Variants in PALLD observed in about 807,000 individuals in gnomAD.
PALLD encodes the protein palladin.
Under a neutral mutation model 123.5 loss-of-function variants are expected in PALLD, and 61 were observed. That is an observed-to-expected ratio of 0.49 (90% CI 0.40 to 0.61). The LOEUF (loss-of-function observed/expected upper bound fraction) is 0.61, where lower values mean the gene tolerates loss of function less well. Among genes scored for constraint, PALLD ranks in the 20% least tolerant of loss-of-function variants. The pLI, the probability that PALLD is intolerant of heterozygous loss-of-function variation, is 0.00. For synonymous variants in PALLD, 465 were observed against 496.4 expected, an observed-to-expected ratio of 0.94 and a Z score of 0.84; for missense variants, 1,273 against 1,377.0, an observed-to-expected ratio of 0.92 and a Z score of 1.20.
At chr4:168,591,078 C>A (rs932244104) in intron 2 of PALLD, among the ~76,000 whole-genome samples, 1 of 151,946 alleles carries the variant, frequency 6.6e-6, no homozygotes, top group African/African-American at 2.4e-5. Flanking sequence ...AGAGTTTCGC[C>A]ATGTTGGCCA....
chr4:168,806,440 G>A (rs563708912), intron 10 of PALLD, among the ~76,000 whole-genome samples: 12 of 152,240 alleles, frequency 7.9e-5, no homozygotes, highest in Admixed American at 4.6e-4. Context: ...AAGGTAAGAC[G>A]TGCTTGCTTC....
chr4:168,826,997 C>G (rs946456189), intron 10 of PALLD, among the ~76,000 whole-genome samples: 1 of 152,216 alleles, frequency 6.6e-6, no homozygotes, highest in Non-Finnish European at 1.5e-5. Flanking sequence ...ACCTCACTCT[C>G]ATAAGCTCAG....
At chr4:168,626,064 C>G (rs1775237966) in intron 2 of PALLD, among the ~76,000 whole-genome samples, 1 of 150,984 alleles carries the variant, frequency 6.6e-6, no homozygotes, top group South Asian at 2.1e-4. Context: ...GAGATCGAGA[C>G]CATCCTGGCT....
At chr4:168,865,026 G>A (rs540157479) in intron 10 of PALLD, among the ~76,000 whole-genome samples, 17 of 152,052 alleles carry the variant, frequency 1.1e-4, no homozygotes, top group Non-Finnish European at 8.8e-5. Flanking sequence ...ATTTATTTTC[G>A]TGGTTTTAGT....
intron 10 of PALLD, among the ~76,000 whole-genome samples, chr4:168,817,455 T>C (rs1195575554): frequency 6.6e-6 from 1 of 152,210 alleles, no homozygotes; most frequent in Non-Finnish European, 1.5e-5. Flanking sequence ...AAATGTCCAT[T>C]AGATACAGTG....
At chr4:168,918,508 A>G (rs1760735111) in intron 17 of PALLD, among the ~76,000 whole-genome samples, 1 of 152,182 alleles carries the variant, frequency 6.6e-6, no homozygotes, top group Non-Finnish European at 1.5e-5. Context: ...AGAGAATAGA[A>G]TGGTGATTAC....
At chr4:168,917,530 CCT>C (rs990694206) in intron 17 of PALLD, among the ~76,000 whole-genome samples, 11 of 151,970 alleles carry the variant, frequency 7.2e-5, no homozygotes, top group Admixed American at 2.6e-4. Flanking sequence ...TTTTTTGCCC[CCT>C]GTTTACTGAT....
rs34328020 is a variant in PALLD, at chr4:168,681,540, ATTTTTTT to A, written c.1154+159_1154+165del. The A allele has an allele frequency of 3.8e-3, 1,282 of 340,270 alleles. 11 individuals are homozygous for A. The highest frequency in any genetic ancestry group is 0.032 in the Admixed American group (752 of 23,420). 21.1% of individuals were successfully genotyped at this position (340,270 alleles called of 1,614,324 possible). ...GATCAAATACTGAGGTTGGAACACA[ATTTTTTT>A]TTTTTTTTTTTTTTTTGAGACAGGG... is the stretch of plus-strand genomic sequence containing the variant. On this transcript the variant is annotated intron_variant, in intron 4 of 21. Coordinates refer to ENST00000505667, the MANE Select transcript of PALLD (RefSeq NM_001166108.2).
intron 10 of PALLD, among the ~76,000 whole-genome samples, chr4:168,767,457 C>G (rs1733824376): frequency 6.6e-6 from 1 of 152,038 alleles, no homozygotes; most frequent in Admixed American, 6.6e-5. Flanking sequence ...TTAACTTAGG[C>G]TAATACCAGT....
chr4:168,681,205 A>G, intron 3 of PALLD, 127 bp from the exon 4 acceptor site: 1 of 665,888 alleles, frequency 1.5e-6, no homozygotes, highest in East Asian at 2.9e-5. Context: ...GAATCACTCT[A>G]TTTTATTGTG....
At chr4:168,863,840 C>T (rs1274172224) in intron 10 of PALLD, 4 of 152,122 alleles carry the variant, frequency 2.6e-5, no homozygotes, top group African/African-American at 9.7e-5. Flanking sequence ...TTACATTAAT[C>T]CTGTCTTATT....
At chr4:168,897,983 T>C (rs866860755) in intron 13 of PALLD, 21 of 152,924 alleles carry the variant, frequency 1.4e-4, no homozygotes, top group African/African-American at 5.1e-4. Context: ...TTTTCTATTA[T>C]TCTTTTACTA....
At chr4:168,832,745 C>A (rs1744463125) in intron 10 of PALLD, 1 of 152,358 alleles carries the variant, frequency 6.6e-6, no homozygotes, top group African/African-American at 2.4e-5. Context: ...ACCTGGGCGC[C>A]ATTCAAAGGA....
chr4:168,554,472 A>G (rs1580286422), intron 2 of PALLD, among the ~76,000 whole-genome samples: 1 of 152,148 alleles, frequency 6.6e-6, no homozygotes, highest in Non-Finnish European at 1.5e-5. Flanking sequence ...AGTGTTGAAC[A>G]CCTCTATGTC....
chr4:168,836,795 G>T (rs1008587284), intron 10 of PALLD, among the ~76,000 whole-genome samples: 2 of 152,162 alleles, frequency 1.3e-5, no homozygotes, highest in Non-Finnish European at 2.9e-5. Flanking sequence ...AAAACTCATT[G>T]CTGGGAACCC....
intron 10 of PALLD, among the ~76,000 whole-genome samples, chr4:168,790,222 C>T (rs1425167981): frequency 1.3e-5 from 2 of 149,064 alleles, no homozygotes; most frequent in Non-Finnish European, 3.0e-5. Context: ...AATGCAATGG[C>T]GTAATCTCAG....
chr4:168,835,508 CAGAGAGG>C (rs1745027976), intron 10 of PALLD, among the ~76,000 whole-genome samples: 1 of 152,100 alleles, frequency 6.6e-6, no homozygotes, highest in South Asian at 2.1e-4. Flanking sequence ...CAGGGCCATA[CAGAGAGG>C]AAATTGAGAC....
At chr4:168,536,891 G>A (rs927541000) in intron 2 of PALLD, among the ~76,000 whole-genome samples, 6 of 151,096 alleles carry the variant, frequency 4.0e-5, no homozygotes, top group Non-Finnish European at 8.8e-5. Flanking sequence ...GCAGTGGCGC[G>A]ATCTCGGCTC....
intron 10 of PALLD, among the ~76,000 whole-genome samples, chr4:168,888,215 A>G (rs1753641979): frequency 6.6e-6 from 1 of 152,240 alleles, no homozygotes; most frequent in Non-Finnish European, 1.5e-5. Flanking sequence ...TTAAATATCA[A>G]AATGAGTTTG....
Sources: gnomAD v4.1 joint callset for allele counts (sites outside exome capture counted in the v4.1 genomes callset) on GRCh38, gnomAD v4.1.1 for gene constraint, MANE v1.5 for transcripts, NCBI Gene and HGNC (gene_info 2026-07-23, HGNC 2026-07-21) for gene names.